The following NTAN1 variants were observed in gnomAD, a reference collection of about 807,000 sequenced individuals.
The protein encoded by NTAN1 is protein N-terminal asparagine amidohydrolase.
In NTAN1, 32 loss-of-function variants were observed where a neutral mutation model predicts 41.9. The ratio of observed to expected loss-of-function variants is 0.76; its 90% confidence interval spans 0.58 to 1.03. NTAN1 has a LOEUF of 1.03. Ranked by LOEUF, NTAN1 falls within the 50% of genes least tolerant of loss-of-function variation. The pLI, the probability that NTAN1 is intolerant of heterozygous loss-of-function variation, is 0.00. For missense variants in NTAN1, 377 were observed against 377.5 expected (o/e 1.00, Z 0.01); for synonymous variants, 140 against 139.5 (o/e 1.00, Z -0.03).
chr16:15,054,559 C>T (rs915760660), intron 1 of NTAN1, among the ~76,000 whole-genome samples: 3 of 152,308 alleles, frequency 2.0e-5, no homozygotes, highest in Admixed American at 2.0e-4. Flanking sequence ...GACACGCCAC[C>T]ACGCCTAGCT....
chr16:15,044,372 T>C lies in NTAN1; in HGVS notation c.395A>G (p.Asp132Gly). ...EVHLVGGFSD[D>G]RQLSQKLTHQ... ...AGTGAGTTTTTGTGACAACTGCCTG[T>C]CGTCACTGAAGCCTCCAACAAGGTG... Residue 132 changes from aspartate (D) to glycine (G), a missense_variant, in exon 5 of 10, where the codon GAC becomes GGC. Coordinates refer to ENST00000287706, the MANE Select transcript of NTAN1 (RefSeq NM_173474.4). 1 of 1,613,754 alleles carries C rather than the reference T, an allele frequency of 6.2e-7. No homozygotes were observed. Among genetic ancestry groups the C allele is most frequent in the Middle Eastern group, 1.7e-4 (1 of 6,040 alleles).
chr16:15,052,150 C>T (rs185143585), intron 1 of NTAN1, among the ~76,000 whole-genome samples: 2 of 152,312 alleles, frequency 1.3e-5, no homozygotes, highest in African/African-American at 4.8e-5. Flanking sequence ...TACAAGGCCG[C>T]AGTCTCTGTC....
At chr16:15,047,418 CTA>C (rs771766502) in intron 4 of NTAN1, 22 bp downstream of exon 4, 1 of 1,424,828 alleles carries the variant, frequency 7.0e-7, no homozygotes, top group South Asian at 1.1e-5. Flanking sequence ...CTCAATTCAC[CTA>C]TGAGAGCAGC....
chr16:15,044,522 C>A (rs758655524), intron 4 of NTAN1, 115 bp from the exon 5 acceptor site: 30 of 740,098 alleles, frequency 4.1e-5, no homozygotes, highest in Non-Finnish European at 5.2e-5. Context: ...AGCAGAGCTG[C>A]AGGTCATCTT....
At chr16:15,053,568 A>G (rs1239519728) in intron 1 of NTAN1, among the ~76,000 whole-genome samples, 1 of 151,986 alleles carries the variant, frequency 6.6e-6, no homozygotes, top group Admixed American at 6.5e-5. Flanking sequence ...TTTTTTCTGT[A>G]TTATTATATT....
chr16:15,053,087 A>G (rs957354287), intron 1 of NTAN1, among the ~76,000 whole-genome samples: 6 of 143,442 alleles, frequency 4.2e-5, no homozygotes, highest in Non-Finnish European at 9.3e-5. Flanking sequence ...GGCTACTGCA[A>G]CTGAGGAACT....
intron 5 of NTAN1, among the ~76,000 whole-genome samples, 199 bp from the exon 6 acceptor site, chr16:15,041,875 G>T (rs1170636020): frequency 6.6e-6 from 1 of 152,200 alleles, no homozygotes; most frequent in Non-Finnish European, 1.5e-5. Context: ...ACCGCCAGGA[G>T]ATGGCCACAT....
chr16:15,053,772 G>A (rs998998807), intron 1 of NTAN1, among the ~76,000 whole-genome samples: 1 of 152,118 alleles, frequency 6.6e-6, no homozygotes, highest in African/African-American at 2.4e-5. Context: ...TTAGCTGGGT[G>A]TGGTGGCATG....
chr16:15,049,180 CG>C (rs1199940369), intron 1 of NTAN1, among the ~76,000 whole-genome samples: 3 of 151,662 alleles, frequency 2.0e-5, no homozygotes, highest in Non-Finnish European at 4.4e-5. Context: ...AGGCACACAC[CG>C]CCACACCTGG....
chr16:15,053,930 A>ACC (rs1317540372), intron 1 of NTAN1, among the ~76,000 whole-genome samples: 1 of 149,326 alleles, frequency 6.7e-6, no homozygotes, highest in East Asian at 1.9e-4. Context: ...CAACCAACCA[A>ACC]ACAAACAAAC....
At chr16:15,043,955 GA>G (rs962627544) in intron 5 of NTAN1, among the ~76,000 whole-genome samples, 4 of 149,428 alleles carry the variant, frequency 2.7e-5, no homozygotes, top group Non-Finnish European at 4.5e-5. Context: ...CTCAAAAAAA[GA>G]AAAAAAAAGA....
rs1382120676 is a variant in NTAN1 at position 15,047,903 on chromosome 16, C to T, written c.202G>A (p.Gly68Ser). ...SPKDGSISILGSDDATTCHIV... is the reference protein window; with the variant it reads ...SPKDGSISILSSDDATTCHIV... The stretch of plus-strand genomic sequence containing the variant: ...TGACAAGTAGTGGCATCATCAGAAC[C>T]CAGAATGGAGATGGAGCCTGTTTAA... The change falls in exon 3 of 10, where the codon GGT (glycine) becomes AGT (serine). Residue 68 changes from glycine (G) to serine (S), a missense_variant. Transcript: ENST00000287706. 1 of 1,613,580 alleles carries T rather than the reference C, an allele frequency of 6.2e-7. No homozygotes were observed. Among genetic ancestry groups the T allele is most frequent in the East Asian group, 2.2e-5 (1 of 44,880 alleles).
chr16:15,039,216 T>G (rs1011094261), intron 8 of NTAN1, among the ~76,000 whole-genome samples: 1 of 152,214 alleles, frequency 6.6e-6, no homozygotes, highest in African/African-American at 2.4e-5. Flanking sequence ...TTCACTTTGG[T>G]AACTGACACT....
intron 5 of NTAN1, among the ~76,000 whole-genome samples, chr16:15,043,820 C>G (rs541156257): frequency 6.6e-6 from 1 of 151,896 alleles, no homozygotes; most frequent in South Asian, 2.1e-4. Flanking sequence ...TGGTGGCGCA[C>G]GCCTGTGATC....
rs745932508 is a variant in NTAN1, at chr16:15,038,091, G to T, written c.873C>A (p.Ala291=). ...PAHTLFSGNK[A]LLYKKNEDGL... is the part of the protein sequence containing the mutation. Reference sequence around the variant, plus strand: ...CATCTTCATTTTTTTTGTAGAGTAGGGCTTTATTTCCAGAAAACAGTGTGT... The same window carrying T: ...CATCTTCATTTTTTTTGTAGAGTAGTGCTTTATTTCCAGAAAACAGTGTGT... Residue 291 remains alanine (A), a synonymous_variant, in exon 10 of 10, where the codon GCC becomes GCA. Transcript: ENST00000287706. The T allele has an allele frequency of 6.2e-7, 1 of 1,612,822 alleles. No individual in the cohort carries two copies. The highest frequency in any genetic ancestry group is 1.1e-5 in the South Asian group (1 of 91,020).
At chr16:15,038,333 G>A (rs1048229064) in intron 9 of NTAN1, 123 bp from the exon 10 acceptor site, 3 of 754,668 alleles carry the variant, frequency 4.0e-6, no homozygotes, top group Non-Finnish European at 2.1e-6. Flanking sequence ...TAAGAAATGA[G>A]GTGGCCTGAA....
intron 5 of NTAN1, among the ~76,000 whole-genome samples, chr16:15,042,605 CTGTTA>C (rs1388502184): frequency 1.3e-5 from 2 of 152,142 alleles, no homozygotes; most frequent in African/African-American, 2.4e-5. Flanking sequence ...ACCAGATTTC[CTGTTA>C]TAAGTAATGT....
In NTAN1 at chr16:15,038,632, C is replaced by T. The variant is rs745652703; in HGVS notation, c.695G>A (p.Trp232Ter). Residue 232 changes from tryptophan (W) to a stop codon, truncating the protein, a stop_gained, in exon 9 of 10, where the codon TGG becomes TAG. Transcript: ENST00000287706. LOFTEE classifies it high-confidence loss of function. Reference sequence around the variant, plus strand: ...GAAATCCACATGTGGAAATGGTGTCCAGGAGTACGGTCCTATACGAAGTTG... The same window carrying T: ...GAAATCCACATGTGGAAATGGTGTCTAGGAGTACGGTCCTATACGAAGTTG... Reference protein sequence around the residue: ...TEQLRIGPYSWTPFPHVDFWL... With the variant: ...TEQLRIGPYS 5 of 1,610,550 alleles carry T rather than the reference C, an allele frequency of 3.1e-6. No individual in the cohort carries two copies. The highest frequency in any genetic ancestry group is 4.2e-6 in the Non-Finnish European group (5 of 1,176,954).
intron 4 of NTAN1, 149 bp from the exon 5 acceptor site, chr16:15,044,556 C>T (rs3803573): frequency 0.32 from 205,610 of 641,906 alleles, 34,652 homozygotes; most frequent in Admixed American, 0.49. Context: ...AAGAAAGTAT[C>T]GGCAGCACAC....
Sources: gnomAD v4.1 joint callset for allele counts (sites outside exome capture counted in the v4.1 genomes callset) on GRCh38, gnomAD v4.1.1 for gene constraint, MANE v1.5 for transcripts, NCBI Gene and HGNC (gene_info 2026-07-23, HGNC 2026-07-21) for gene names.